CDH26: variants seen among roughly 807,000 people sequenced by gnomAD.
CDH26 encodes cadherin-like protein 26.
CDH26 carries 83 observed loss-of-function variants against 90.3 expected under a neutral mutation model. The ratio of observed to expected loss-of-function variants is 0.92; its 90% confidence interval spans 0.77 to 1.10. The LOEUF (loss-of-function observed/expected upper bound fraction) is 1.10, where lower values mean the gene tolerates loss of function less well. Among genes scored for constraint, CDH26 ranks in the 50% least tolerant of loss-of-function variants. CDH26 has a pLI of 0.00. For synonymous variants in CDH26, 397 were observed against 396.3 expected (o/e 1.00, Z -0.02); for missense variants, 1,013 against 1,037.6 (o/e 0.98, Z 0.33).
rs543909731 is a variant in CDH26 at position 60,003,293 on chromosome 20, C to G, written c.2220+427C>G. Among the ~76,000 whole-genome samples the G allele has an allele frequency of 2.0e-5, 3 of 152,250 alleles. No individual in the cohort carries two copies. The East Asian group carries it at 5.8e-4, about 29-fold the overall frequency. ...AATAACTCCATTGTAAATAAAACAT[C>G]TAAGTACTAATTTTGTATGCATTGA... is the stretch of plus-strand genomic sequence containing the variant. On this transcript the variant is annotated intron_variant, in intron 16 of 17. Coordinates refer to ENST00000348616, the MANE Select transcript of CDH26 (RefSeq NM_177980.4).
chr20:60,023,027 G>A (rs1331500549), intron 7 of CDH26, among the ~76,000 whole-genome samples: 2 of 152,230 alleles, frequency 1.3e-5, no homozygotes, highest in Non-Finnish European at 2.9e-5. Context: ...GCCAATGGGA[G>A]GCAACTTCCA....
intron 16 of CDH26, among the ~76,000 whole-genome samples, chr20:60,005,881 C>T (rs1453455457): frequency 6.6e-6 from 1 of 152,184 alleles, no homozygotes; most frequent in East Asian, 1.9e-4. Context: ...CCCCCCACCT[C>T]CCTAACCATC....
chr20:59,984,415 T>C (rs1250870752), intron 5 of CDH26, among the ~76,000 whole-genome samples: 1 of 152,276 alleles, frequency 6.6e-6, no homozygotes, highest in Non-Finnish European at 1.5e-5. Context: ...GATCCACCAA[T>C]GTAAGTCTTC....
intron 16 of CDH26, among the ~76,000 whole-genome samples, chr20:60,004,765 CAAAAA>C (rs140015980): frequency 4.2e-5 from 2 of 48,132 alleles, no homozygotes; most frequent in Non-Finnish European, 1.1e-4. Flanking sequence ...GACTCCATCT[CAAAAA>C]AAAAAAAAAA....
chr20:60,022,370 A>G (rs2061965092), intron 7 of CDH26, among the ~76,000 whole-genome samples: 1 of 152,230 alleles, frequency 6.6e-6, no homozygotes, highest in African/African-American at 2.4e-5. Context: ...CAGTCTGAGA[A>G]GTTAAATATT....
chr20:60,012,228 C>T (rs932970727), intron 17 of CDH26, among the ~76,000 whole-genome samples: 1 of 151,974 alleles, frequency 6.6e-6, no homozygotes, highest in African/African-American at 2.4e-5. Flanking sequence ...GAAGGGCGAG[C>T]CTCAAGGAAT....
chr20:59,970,338 C>G (rs1018526600), intron 3 of CDH26, 152 bp downstream of exon 3: 1 of 1,096,350 alleles, frequency 9.1e-7, no homozygotes, highest in African/African-American at 1.6e-5. Context: ...GTTCAGGAAG[C>G]CTGGGTTCTA....
Position 59,985,085 on chromosome 20 carries a change from G to A in CDH26, c.793G>A (p.Val265Met), listed in dbSNP as rs2061438501. ...ATCCACGACCACCGTTCACGTGGAT[G>A]TGCAAGAAGGCAACAACCACAGGCC... ...LSSTTTVHVD[V>M]QEGNNHRPAF... Residue 265 changes from valine to methionine, a missense_variant, in exon 7 of 18, where the codon GTG becomes ATG. Transcript: ENST00000348616. 6.2e-7 allele frequency: 1 copy of A among 1,614,088 alleles called. No homozygotes were observed. Among genetic ancestry groups the A allele is most frequent in the Non-Finnish European group, 8.5e-7 (1 of 1,180,010 alleles).
At chr20:59,995,762 C>A in intron 11 of CDH26, 71 bp from the exon 12 acceptor site, 2 of 1,408,052 alleles carry the variant, frequency 1.4e-6, no homozygotes, top group Non-Finnish European at 2.0e-6. Flanking sequence ...GCAGGGCGTT[C>A]AGTAAGCGTG....
At chr20:60,009,378 T>C (rs1179010145) in intron 17 of CDH26, among the ~76,000 whole-genome samples, 2 of 152,198 alleles carry the variant, frequency 1.3e-5, no homozygotes, top group Admixed American at 1.3e-4. Flanking sequence ...ACAGAAAACG[T>C]AGCATGTGGT....
At chr20:60,019,804 C>T (rs1309799481) in intron 7 of CDH26, among the ~76,000 whole-genome samples, 1 of 152,178 alleles carries the variant, frequency 6.6e-6, no homozygotes, top group South Asian at 2.1e-4. Context: ...TTGATTTATA[C>T]ATATCTGGTG....
At chr20:60,029,429 A>ATAGCACCTATAGTCAACAACG (rs2146035247) in intron 7 of CDH26, among the ~76,000 whole-genome samples, 2 of 120,106 alleles carry the variant, frequency 1.7e-5, no homozygotes, top group East Asian at 2.0e-4. Flanking sequence ...AGTCAACAAC[A>ATAGCACCTATAGTCAACAACG]TAGCACCTAT....
chr20:60,031,751 G>A (rs1380528271), intron 8 of CDH26, among the ~76,000 whole-genome samples: 1 of 152,212 alleles, frequency 6.6e-6, no homozygotes, highest in Non-Finnish European at 1.5e-5. Flanking sequence ...AGCCTCTTGG[G>A]AGTTTATCAT....
chr20:60,003,957 C>A (rs183778), intron 16 of CDH26, among the ~76,000 whole-genome samples: 22,926 of 152,098 alleles, frequency 0.15, 4,990 homozygotes, highest in African/African-American at 0.48. Context: ...ACTGACACGG[C>A]GTCTTCCTCT....
At chr20:60,015,787 A>T (rs1374925454), downstream of CDH26, among the ~76,000 whole-genome samples, 1 of 152,000 alleles carries the variant, frequency 6.6e-6, no homozygotes, top group Admixed American at 6.6e-5. Flanking sequence ...ATCCACTTTG[A>T]GTTGATTTCT....
chr20:59,988,948 C>A lies in CDH26; in HGVS notation c.1068C>A (p.Val356=). Residue 356 remains valine, a synonymous_variant, in exon 9 of 18, where the codon GTC becomes GTA. Transcript: ENST00000348616. ...GCCCAGCGCAAAGCCTCATCATTGTCGTGGAGAATGAGGAGAGGCTCGTCT... is the reference window on the plus strand; with the variant it reads ...GCCCAGCGCAAAGCCTCATCATTGTAGTGGAGAATGAGGAGAGGCTCGTCT... The part of the protein sequence containing the change: ...ETRPAQSLII[V]VENEERLVFC... The A allele has an allele frequency of 6.2e-7, 1 of 1,614,062 alleles. No homozygotes were observed. Among genetic ancestry groups the A allele is most frequent in the African/African-American group, 1.3e-5 (1 of 74,992 alleles).
At chr20:59,986,938 A>T (rs909027372) in intron 7 of CDH26, among the ~76,000 whole-genome samples, 1 of 152,190 alleles carries the variant, frequency 6.6e-6, no homozygotes, top group Non-Finnish European at 1.5e-5. Flanking sequence ...GCTCTCAAAA[A>T]TATGGCTGGA....
Position 59,958,770 on chromosome 20 carries a change from T to A in CDH26, c.44T>A (p.Leu15Gln). The A allele has an allele frequency of 6.2e-7, 1 of 1,614,020 alleles. No individual in the cohort carries two copies. The highest frequency in any genetic ancestry group is 1.3e-5 in the African/African-American group (1 of 75,034). Residue 15 changes from leucine (L) to glutamine (Q), a missense_variant, in exon 1 of 18, where the codon CTA becomes CAA. Coordinates refer to ENST00000348616, the MANE Select transcript of CDH26 (RefSeq NM_177980.4). ...SGRHPSLLLL[L>Q]VLLLWLLQVS... ...AGGCACCCCTCGCTGCTGCTGCTTC[T>A]AGTGCTGCTGCTGTGGCTGCTGCAG...
Position 59,982,931 on chromosome 20 carries a change from T to C in CDH26, c.402T>C (p.Phe134=), listed in dbSNP as rs753906311. Residue 134 remains phenylalanine (F), a synonymous_variant, in exon 5 of 18, where the codon TTT becomes TTC. Transcript: ENST00000348616. ...AGCTCTCTGCTTCCTAGGTTTATTT[T>C]GATGTTGTGGAGCGCTCAACAGGAA... ...REMTPSFTVY[F]DVVERSTGKI... 1 of 1,613,526 alleles carries C rather than the reference T, an allele frequency of 6.2e-7. No individual in the cohort carries two copies. Among genetic ancestry groups the C allele is most frequent in the South Asian group, 1.1e-5 (1 of 90,954 alleles).
Sources: allele counts gnomAD v4.1 joint callset (sites outside exome capture counted in the v4.1 genomes callset), GRCh38; gene constraint gnomAD v4.1.1; transcripts MANE v1.5; gene names NCBI Gene and HGNC (gene_info 2026-07-23, HGNC 2026-07-21).